MYO16: variants seen among roughly 807,000 people sequenced by gnomAD.
MYO16 encodes the protein myosin XVI.
MYO16 carries 94 observed loss-of-function variants against 205.3 expected under a neutral mutation model. The ratio of observed to expected loss-of-function variants is 0.46; its 90% CI spans 0.39 to 0.54. MYO16 has a LOEUF of 0.54. Among genes scored for constraint, MYO16 ranks in the 20% least tolerant of loss-of-function variants. The pLI is 0.00. For missense variants in MYO16, 2,315 were observed against 2,387.5 expected, an observed-to-expected ratio of 0.97 and a Z score of 0.63; for synonymous variants, 988 against 954.0, an observed-to-expected ratio of 1.04 and a Z score of -0.66.
chr13:108,570,051 T>G, the MYO16 span, among the ~76,000 whole-genome samples: 1 of 152,146 alleles, frequency 6.6e-6, no homozygotes, highest in Admixed American at 6.5e-5. Flanking sequence ...TATTGAAGAT[T>G]TTTGCTTTTC....
At chr13:108,921,322 G>A (rs755821182) in intron 16 of MYO16, among the ~76,000 whole-genome samples, 1 of 152,114 alleles carries the variant, frequency 6.6e-6, no homozygotes, top group African/African-American at 2.4e-5. Flanking sequence ...AACCTGGGTG[G>A]ATCATGGTCC....
intron 10 of MYO16, among the ~76,000 whole-genome samples, chr13:108,847,165 A>C (rs1877565301): frequency 6.6e-6 from 1 of 152,224 alleles, no homozygotes; most frequent in South Asian, 2.1e-4. Context: ...GTGTTCTTCA[A>C]ATATAAGACA....
chr13:108,832,198 A>G (rs1207307353), intron 9 of MYO16, among the ~76,000 whole-genome samples: 4 of 144,796 alleles, frequency 2.8e-5, no homozygotes, highest in Non-Finnish European at 6.0e-5. Context: ...GCTGGAGGGC[A>G]ATGGCACAAT....
the MYO16 span, among the ~76,000 whole-genome samples, chr13:108,534,371 T>C: frequency 6.6e-6 from 1 of 152,106 alleles, no homozygotes. Flanking sequence ...TTTGACATAA[T>C]ATTCATTAGC....
At chr13:108,559,935 C>T in the MYO16 span, among the ~76,000 whole-genome samples, 1 of 152,138 alleles carries the variant, frequency 6.6e-6, no homozygotes, top group Non-Finnish European at 1.5e-5. Flanking sequence ...AATTACAGCA[C>T]TATGACCAGA....
intron 1 of MYO16, among the ~76,000 whole-genome samples, chr13:108,604,215 C>A (rs756100094): frequency 1.3e-5 from 2 of 152,012 alleles, no homozygotes; most frequent in African/African-American, 2.4e-5. Flanking sequence ...ATTTGGATTG[C>A]AATTTAAGAT....
Position 108,666,168 on chromosome 13 carries a change from G to T in MYO16, c.292+19G>T. 6.4e-7 allele frequency: 1 copy of T among 1,570,952 alleles called. No homozygotes were observed. Among genetic ancestry groups the T allele is most frequent in the Non-Finnish European group, 8.7e-7 (1 of 1,151,174 alleles). On this transcript the variant is annotated intron_variant, in intron 2 of 34. Transcript: ENST00000457511. ...AAAGAAGGTACATGATAAGAAAGAA[G>T]GACCCGTTTTCTGATGTGATTTTTC...
intron 6 of MYO16, among the ~76,000 whole-genome samples, chr13:108,805,044 T>G (rs1275921036): frequency 6.6e-6 from 1 of 152,206 alleles, no homozygotes; most frequent in African/African-American, 2.4e-5. Flanking sequence ...TGCTAAAAAT[T>G]AGTATCTTCT....
chr13:108,657,196 C>T lies in MYO16; in HGVS notation c.29-8690C>T, dbSNP rs180981896. Among the ~76,000 whole-genome samples the T allele has an allele frequency of 6.2e-4, 95 of 152,324 alleles. 1 individual carries two copies. The highest frequency in any genetic ancestry group is 2.1e-3 in the African/African-American group (89 of 41,568). Reference sequence around the variant, plus strand: ...TAATTGTAATCATAATCTGAATATGCTCCCTCCATTGTCTAGCTCTTTGGA... The same window carrying T: ...TAATTGTAATCATAATCTGAATATGTTCCCTCCATTGTCTAGCTCTTTGGA... On this transcript the variant is annotated intron_variant, in intron 1 of 34. Transcript: ENST00000457511.
At chr13:109,114,280 A>G (rs1395072426) in intron 28 of MYO16, among the ~76,000 whole-genome samples, 1 of 152,202 alleles carries the variant, frequency 6.6e-6, no homozygotes, top group Non-Finnish European at 1.5e-5. Context: ...AGAATGAATC[A>G]CTGGCCCCAT....
intron 2 of MYO16, among the ~76,000 whole-genome samples, chr13:108,688,440 T>G (rs558520973): frequency 3.9e-5 from 6 of 152,320 alleles, no homozygotes; most frequent in African/African-American, 1.4e-4. Context: ...TATTATTTTG[T>G]ACATAACTGA....
intron 4 of MYO16, among the ~76,000 whole-genome samples, chr13:108,751,389 T>C (rs1885234091): frequency 6.6e-6 from 1 of 152,018 alleles, no homozygotes. Context: ...TTAAGCAACA[T>C]GATAAAACAG....
intron 16 of MYO16, among the ~76,000 whole-genome samples, chr13:108,921,090 A>G (rs1038023952): frequency 6.6e-6 from 1 of 152,222 alleles, no homozygotes; most frequent in East Asian, 1.9e-4. Flanking sequence ...CACACACTGG[A>G]CCAAGCCCGT....
intron 23 of MYO16, among the ~76,000 whole-genome samples, chr13:109,023,823 T>C (rs1886255971): frequency 7.3e-6 from 1 of 136,596 alleles, no homozygotes; most frequent in Admixed American, 7.7e-5. Context: ...TTATATTTTA[T>C]ATTTGCATTT....
At chr13:108,911,066 C>CAGAGAGAG (rs1555311803) in intron 16 of MYO16, among the ~76,000 whole-genome samples, 3 of 143,026 alleles carry the variant, frequency 2.1e-5, no homozygotes, top group South Asian at 2.3e-4. Flanking sequence ...CACACACACA[C>CAGAGAGAG]AGAGAGAGAG....
intron 12 of MYO16, among the ~76,000 whole-genome samples, chr13:108,869,686 G>C (rs1478563938): frequency 7.3e-5 from 10 of 136,072 alleles, no homozygotes; most frequent in Non-Finnish European, 1.4e-4. Context: ...AGCCGAGATC[G>C]TGCCACTGCA....
intron 1 of MYO16, among the ~76,000 whole-genome samples, chr13:108,635,299 A>G (rs960244877): frequency 2.0e-5 from 3 of 152,146 alleles, no homozygotes; most frequent in African/African-American, 7.2e-5. Context: ...CATCGTCGAA[A>G]TATGGTTTCC....
intron 7 of MYO16, among the ~76,000 whole-genome samples, chr13:108,807,960 A>G (rs1419268926): frequency 2.0e-5 from 3 of 152,226 alleles, no homozygotes; most frequent in Non-Finnish European, 2.9e-5. Context: ...GTTCTATTGT[A>G]AAGTGTCTAT....
At chr13:108,506,717 T>C in the MYO16 span, among the ~76,000 whole-genome samples, 3 of 152,156 alleles carry the variant, frequency 2.0e-5, no homozygotes, top group African/African-American at 7.2e-5. Context: ...TCTAGAACTA[T>C]GTTGAATAGA....
Sources: allele counts gnomAD v4.1 joint callset (sites outside exome capture counted in the v4.1 genomes callset), GRCh38; gene constraint gnomAD v4.1.1; transcripts MANE v1.5; gene names NCBI Gene and HGNC (gene_info 2026-07-23, HGNC 2026-07-21).